Variants in WTIP observed in about 807,000 individuals in gnomAD.
WTIP encodes the protein Wilms tumor protein 1-interacting protein.
In WTIP, 23 loss-of-function variants were observed where a neutral mutation model predicts 41.7. That is an observed-to-expected ratio of 0.55 (90% CI 0.40 to 0.78). WTIP has a LOEUF of 0.78. Ranked by LOEUF, WTIP falls within the 30% of genes least tolerant of loss-of-function variation. The probability of loss-of-function intolerance (pLI) is 0.00; values close to 1 mark genes in which losing one functional copy is unlikely to be tolerated. For missense variants in WTIP, 619 were observed against 610.5 expected (o/e 1.01, Z -0.15); for synonymous variants, 314 against 269.9 (o/e 1.16, Z -1.60).
rs777791313 is a variant in WTIP, at chr19:34,494,617, C to T, written c.1063C>T (p.Arg355Cys). Residue 355 changes from arginine to cysteine, a missense_variant, in exon 6 of 8, where the codon CGT becomes TGT. Physicochemically the swap from Arg to Cys is radical, Grantham distance 180 (BLOSUM62 -3). Coordinates refer to ENST00000590071, the MANE Select transcript of WTIP (RefSeq NM_001080436.2). ...VFAPKCASCARPILPAQGCET... is the reference protein window; with the variant it reads ...VFAPKCASCACPILPAQGCET... ...TGCACCAAAATGCGCCTCCTGTGCC[C>T]GTCCTATCCTCCCTGCACAGGTAGG... is the stretch of plus-strand genomic sequence containing the variant. The T allele has an allele frequency of 8.7e-6, 14 of 1,613,536 alleles. No individual in the cohort carries two copies. Among genetic ancestry groups the T allele is most frequent in the African/African-American group, 4.0e-5 (3 of 74,906 alleles).
chr19:34,486,935 A>AT (rs111775806), intron 1 of WTIP, among the ~76,000 whole-genome samples: 66,644 of 145,614 alleles, frequency 0.46, 18,783 homozygotes, highest in African/African-American at 0.81. Context: ...TTTCTTTTTA[A>AT]TTTTTTTTTT....
rs1394346016 is a variant in WTIP, at chr19:34,482,022, C to T, written c.48C>T (p.Ala16=). ...AGADEAALLL[A]GLALRELEPG... ...CGGACGAGGCGGCCCTACTCCTGGC[C>T]GGGCTGGCCCTGCGGGAGCTGGAGC... The change falls in exon 1 of 8, where the codon GCC becomes GCT. Residue 16 remains alanine (A), a synonymous_variant. Coordinates refer to ENST00000590071, the MANE Select transcript of WTIP (RefSeq NM_001080436.2). 5.9e-6 allele frequency: 6 copies of T among 1,024,230 alleles called. No individual in the cohort carries two copies. The East Asian group carries it at 3.5e-4, about 60-fold the overall frequency. The allele number at this position is 1,024,230 out of a possible 1,614,324, so 63.4% of individuals were successfully genotyped here. A position where few individuals can be genotyped will look rare whatever the true frequency, so the allele number is the denominator to read the frequency against.
intron 7 of WTIP, among the ~76,000 whole-genome samples, chr19:34,498,260 C>T (rs1156635854): frequency 6.6e-6 from 1 of 152,122 alleles, no homozygotes; most frequent in Non-Finnish European, 1.5e-5. Flanking sequence ...GAAGCCCGCC[C>T]CCTGCTTCCC....
intron 6 of WTIP, 119 bp from the exon 7 acceptor site, chr19:34,495,584 C>T (rs2075848560): frequency 1.8e-6 from 2 of 1,115,004 alleles, no homozygotes; most frequent in African/African-American, 1.5e-5. Flanking sequence ...GGCAGTGCTC[C>T]CCGGGGCGGG....
rs755052395 is a variant in WTIP, at chr19:34,493,042, C to T, written c.775C>T (p.Arg259Ter). 1.4e-5 allele frequency: 22 copies of T among 1,613,866 alleles called. No individual in the cohort carries two copies. The highest frequency in any genetic ancestry group is 2.2e-5 in the East Asian group (1 of 44,862). ...CTCAACCCTCACCCTTGCAGGGAGACGACTCCGTGGGAAGGCGTTCTACAA... is the reference window on the plus strand; with the variant it reads ...CTCAACCCTCACCCTTGCAGGGAGATGACTCCGTGGGAAGGCGTTCTACAA... Reference protein sequence around the residue: ...DCFTCDSCGRRLRGKAFYNVG... With the variant: ...DCFTCDSCGR Residue 259 changes from arginine (R) to a stop codon, truncating the protein, a stop_gained, in exon 3 of 8, where the codon CGA becomes TGA. Coordinates refer to ENST00000590071, the MANE Select transcript of WTIP (RefSeq NM_001080436.2). LOFTEE classifies it high-confidence loss of function. This position sits in a 1 kb window ranked among gnomAD's most constrained non-coding sequence, Gnocchi z 4.1.
In WTIP at chr19:34,493,761, G is replaced by C; in HGVS notation, c.1031+139G>C. On this transcript the variant is annotated intron_variant, in intron 5 of 7. Transcript: ENST00000590071. The surrounding 1 kb of genome is among the most constrained non-coding windows in gnomAD (Gnocchi z 4.1). Reference sequence around the variant, plus strand: ...CGCCTCCCCTTGTACACCTGGGCTTGGGGCAGGCATGTGTCTCTGCCTGCA... The same window carrying C: ...CGCCTCCCCTTGTACACCTGGGCTTCGGGCAGGCATGTGTCTCTGCCTGCA... The C allele has an allele frequency of 3.2e-6, 4 of 1,236,318 alleles. No individual in the cohort carries two copies. The South Asian group carries it at 4.1e-5, about 13-fold the overall frequency. The allele number at this position is 1,236,318 out of a possible 1,614,324, so 76.6% of individuals were successfully genotyped here.
Position 34,501,040 on chromosome 19 carries a change from C to T in WTIP, c.*771C>T, listed in dbSNP as rs2075883464. ...GGAGCGATGAGAGGGGCGCCCTGGC[C>T]ACGCTTCAGGAAAGCCTGTGTCTGC... On this transcript the variant is annotated 3_prime_UTR_variant, in exon 8 of 8. Transcript: ENST00000590071. The T allele has an allele frequency of 6.5e-6, 1 of 152,714 alleles. No homozygotes were observed. Among genetic ancestry groups the T allele is most frequent in the South Asian group, 2.1e-4 (1 of 4,838 alleles). The allele number at this position is 152,714 out of a possible 1,614,324, so 9.5% of individuals were successfully genotyped here.
chr19:34,508,783 C>T lies in WTIP; in HGVS notation c.*8514C>T, dbSNP rs2075922866. The T allele has an allele frequency of 6.6e-6, 1 of 152,194 alleles. No individual in the cohort carries two copies. The highest frequency in any genetic ancestry group is 2.1e-4 in the South Asian group (1 of 4,824). 9.4% of individuals were successfully genotyped at this position (152,194 alleles called of 1,614,324 possible). ...TGGCCCCAGGACACACCCATCACCC[C>T]ATCTATATTGAGATGTTATCTAGAG... On this transcript the variant is annotated 3_prime_UTR_variant, in exon 8 of 8. Transcript: ENST00000590071.
At position 34,482,368 on chromosome 19, in the gene WTIP, C is replaced by T. The variant is rs1343705206; in HGVS notation, c.394C>T (p.Pro132Ser). The change falls in exon 1 of 8, where the codon CCC (proline) becomes TCC (serine). Residue 132 changes from proline (P) to serine (S), a missense_variant. Coordinates refer to ENST00000590071, the MANE Select transcript of WTIP (RefSeq NM_001080436.2). Reference protein sequence around the residue: ...RSGRSDPRPGPGPPSVGSARS... With the variant: ...RSGRSDPRPGSGPPSVGSARS... ...CGGTCGCTCGGACCCGCGTCCCGGT[C>T]CCGGGCCGCCTTCGGTGGGCAGCGC... is the stretch of plus-strand genomic sequence containing the variant. 2 of 1,375,080 alleles carry T rather than the reference C, an allele frequency of 1.5e-6. No individual in the cohort carries two copies. Among genetic ancestry groups the T allele is most frequent in the Non-Finnish European group, 1.9e-6 (2 of 1,060,944 alleles). The allele number at this position is 1,375,080 out of a possible 1,614,324, so 85.2% of individuals were successfully genotyped here.
rs751269857 is a variant in WTIP at position 34,482,282 on chromosome 19, G to A, written c.308G>A (p.Gly103Asp). Reference protein sequence around the residue: ...LAGSDGGGGGGSARSSGISLG... With the variant: ...LAGSDGGGGGDSARSSGISLG... The stretch of plus-strand genomic sequence containing the variant: ...GGGTCCGACGGCGGCGGCGGTGGCG[G>A]CAGCGCCCGATCCAGCGGCATCAGC... The change falls in exon 1 of 8, where the codon GGC (glycine) becomes GAC (aspartate). Residue 103 changes from glycine to aspartate, a missense_variant. By Grantham distance (94) the Gly-to-Asp change is moderately conservative. Coordinates refer to ENST00000590071, the MANE Select transcript of WTIP (RefSeq NM_001080436.2). 2.3e-6 allele frequency: 3 copies of A among 1,325,908 alleles called. No homozygotes were observed. Among genetic ancestry groups the A allele is most frequent in the South Asian group, 3.2e-5 (2 of 61,546 alleles). 82.1% of individuals were successfully genotyped at this position (1,325,908 alleles called of 1,614,324 possible).
chr19:34,482,223 G>C lies in WTIP; in HGVS notation c.249G>C (p.Ala83=), dbSNP rs2145587273. 1 of 1,157,914 alleles carries C rather than the reference G, an allele frequency of 8.6e-7. No individual in the cohort carries two copies. The highest frequency in any genetic ancestry group is 1.1e-6 in the Non-Finnish European group (1 of 944,766). The allele number at this position is 1,157,914 out of a possible 1,614,324, so 71.7% of individuals were successfully genotyped here. Residue 83 remains alanine (A), a synonymous_variant, in exon 1 of 8, where the codon GCG becomes GCC. Coordinates refer to ENST00000590071, the MANE Select transcript of WTIP (RefSeq NM_001080436.2). ...PRRAAVPELS[A]QPAGSPRASL... ...GCGCGGCGGTTCCGGAGCTCAGCGC[G>C]CAGCCTGCGGGCAGCCCACGGGCCA... is the stretch of plus-strand genomic sequence containing the variant.
chr19:34,484,550 A>G (rs2075787779), intron 1 of WTIP, among the ~76,000 whole-genome samples: 1 of 152,134 alleles, frequency 6.6e-6, no homozygotes, highest in Non-Finnish European at 1.5e-5. Context: ...GGCAGGTGCC[A>G]GGAAGAGAGG....
chr19:34,490,032 A>C (rs2075817659), intron 1 of WTIP, among the ~76,000 whole-genome samples: 1 of 152,174 alleles, frequency 6.6e-6, no homozygotes, highest in Non-Finnish European at 1.5e-5. Flanking sequence ...TTAACCCAGG[A>C]GTTTGAAACC....
intron 7 of WTIP, among the ~76,000 whole-genome samples, chr19:34,496,923 C>T (rs1014475838): frequency 4.6e-5 from 7 of 152,070 alleles, no homozygotes; most frequent in Admixed American, 6.6e-5. Context: ...AGTGCAGTGG[C>T]ACTATCTCAG....
At chr19:34,488,760 G>A (rs889644129) in intron 1 of WTIP, among the ~76,000 whole-genome samples, 1 of 151,952 alleles carries the variant, frequency 6.6e-6, no homozygotes, top group African/African-American at 2.4e-5. Context: ...ATCCTTGGCC[G>A]GGCATAGCAG....
intron 1 of WTIP, among the ~76,000 whole-genome samples, chr19:34,488,794 T>C (rs1462833512): frequency 6.6e-6 from 1 of 151,704 alleles, no homozygotes; most frequent in African/African-American, 2.4e-5. Flanking sequence ...ACCCAGCTTC[T>C]TGGGAGGCCG....
At chr19:34,491,434 C>G (rs1315898142) in intron 2 of WTIP, among the ~76,000 whole-genome samples, 1 of 152,056 alleles carries the variant, frequency 6.6e-6, no homozygotes, top group Non-Finnish European at 1.5e-5. Context: ...AGCGATTCTT[C>G]TGCCTCAGCC....
rs1214897491 is a variant in WTIP, at chr19:34,505,264, G to C, written c.*4995G>C. 1 of 152,250 alleles carries C rather than the reference G, an allele frequency of 6.6e-6. No individual in the cohort carries two copies. Among genetic ancestry groups the C allele is most frequent in the African/African-American group, 2.4e-5 (1 of 41,408 alleles). The allele number at this position is 152,250 out of a possible 1,614,324, so 9.4% of individuals were successfully genotyped here. The stretch of plus-strand genomic sequence containing the variant: ...TCCTAGTCCCTGGCCGGATACCCCA[G>C]GGTGGCCTGGGATCCTGGAGAGTGC... On this transcript the variant is annotated 3_prime_UTR_variant, in exon 8 of 8. Coordinates refer to ENST00000590071, the MANE Select transcript of WTIP (RefSeq NM_001080436.2).
Position 34,500,569 on chromosome 19 carries a change from C to A in WTIP, c.*300C>A. ...TCACCAGGCTGGAGAGGGCCCCTGC[C>A]TTGGCCAGGGGTGCGAGGTGACCCG... On this transcript the variant is annotated 3_prime_UTR_variant, in exon 8 of 8. Coordinates refer to ENST00000590071, the MANE Select transcript of WTIP (RefSeq NM_001080436.2). 2.9e-6 allele frequency: 1 copy of A among 344,554 alleles called. No individual in the cohort carries two copies. Among genetic ancestry groups the A allele is most frequent in the East Asian group, 4.8e-5 (1 of 20,802 alleles). The allele number at this position is 344,554 out of a possible 1,614,324, so 21.3% of individuals were successfully genotyped here.
Sources: allele counts gnomAD v4.1 joint callset (sites outside exome capture counted in the v4.1 genomes callset), GRCh38; gene constraint gnomAD v4.1.1; non-coding constraint Gnocchi (gnomAD v3.1); transcripts MANE v1.5; gene names NCBI Gene and HGNC (gene_info 2026-07-23, HGNC 2026-07-21).